OXCT1: variants seen among roughly 807,000 people sequenced by gnomAD.
The protein encoded by OXCT1 is 3-oxoacid CoA-transferase 1.
OXCT1 carries 27 observed loss-of-function variants against 69.6 expected under a neutral mutation model. The ratio of observed to expected loss-of-function variants is 0.39; its 90% CI spans 0.29 to 0.54. The LOEUF (loss-of-function observed/expected upper bound fraction) is 0.54. Ranked by LOEUF, OXCT1 falls within the 20% of genes least tolerant of loss-of-function variation. OXCT1 has a pLI of 0.72. For synonymous variants in OXCT1, 202 were observed against 217.8 expected (o/e 0.93, Z 0.64); for missense variants, 437 against 650.2 (o/e 0.67, Z 3.57).
At chr5:41,866,275 G>T (rs1004498654) in intron 1 of OXCT1, among the ~76,000 whole-genome samples, 2 of 152,142 alleles carry the variant, frequency 1.3e-5, no homozygotes, top group Non-Finnish European at 2.9e-5. Context: ...ATTTTACAAA[G>T]AATGTTTTTA....
At chr5:41,835,244 G>A (rs1051870791) in intron 7 of OXCT1, among the ~76,000 whole-genome samples, 1 of 152,082 alleles carries the variant, frequency 6.6e-6, no homozygotes, top group Non-Finnish European at 1.5e-5. Context: ...TAAATTCCTA[G>A]ACATATATAA....
At position 41,850,190 on chromosome 5, in the gene OXCT1, G is replaced by T; in HGVS notation, c.415-11C>A. On this transcript the variant is annotated splice_polypyrimidine_tract_variant and intron_variant, in intron 4 of 16. Coordinates refer to ENST00000196371, the MANE Select transcript of OXCT1 (RefSeq NM_000436.4). Reference sequence around the variant, plus strand: ...CTCTGCAAGTGTGCCCTGCAAGTGAGCAACCAACACCCCATAAGTTCACTA... The same window carrying T: ...CTCTGCAAGTGTGCCCTGCAAGTGATCAACCAACACCCCATAAGTTCACTA... 2.5e-6 allele frequency: 4 copies of T among 1,613,128 alleles called. No individual in the cohort carries two copies. The highest frequency in any genetic ancestry group is 3.4e-6 in the Non-Finnish European group (4 of 1,179,770).
intron 7 of OXCT1, among the ~76,000 whole-genome samples, chr5:41,820,169 T>C (rs1361815720): frequency 1.3e-5 from 2 of 152,266 alleles, no homozygotes; most frequent in East Asian, 1.9e-4. Context: ...TCAATAAATA[T>C]ATGAAAAATA....
At chr5:41,804,242 G>T (rs1746562005) in intron 9 of OXCT1, among the ~76,000 whole-genome samples, 1 of 152,010 alleles carries the variant, frequency 6.6e-6, no homozygotes, top group South Asian at 2.1e-4. Flanking sequence ...AACACATTAG[G>T]ATACTAATTC....
intron 14 of OXCT1, among the ~76,000 whole-genome samples, chr5:41,757,775 T>C (rs543115514): frequency 1.3e-5 from 2 of 152,204 alleles, no homozygotes; most frequent in Non-Finnish European, 2.9e-5. Flanking sequence ...GGGCACTGAA[T>C]GTACAAACAC....
chr5:41,787,449 C>A (rs1745694392), intron 13 of OXCT1, among the ~76,000 whole-genome samples: 1 of 151,898 alleles, frequency 6.6e-6, no homozygotes, highest in African/African-American at 2.4e-5. Context: ...ATTTTGTTGG[C>A]TTCAGAGAGC....
At chr5:41,807,628 G>C (rs192558672) in intron 7 of OXCT1, among the ~76,000 whole-genome samples, 190 bp from the exon 8 acceptor site, 82 of 152,108 alleles carry the variant, frequency 5.4e-4, no homozygotes, top group African/African-American at 2.0e-3. Flanking sequence ...CCACAAAAGA[G>C]AAGAAATTAA....
At chr5:41,759,352 C>G (rs1744237598) in intron 14 of OXCT1, among the ~76,000 whole-genome samples, 1 of 152,100 alleles carries the variant, frequency 6.6e-6, no homozygotes, top group Non-Finnish European at 1.5e-5. Context: ...ATTGTTACTC[C>G]TTTCCTTTCT....
rs377226939 is a variant in OXCT1, at chr5:41,758,270, A to G, written c.1338+3841T>C. The stretch of plus-strand genomic sequence containing the variant: ...AATAAGCAGAACATATTTAGGGGGA[A>G]TGATGATTTAGTTGGCAAAATTTGT... On this transcript the variant is annotated intron_variant, in intron 14 of 16. Transcript: ENST00000196371. 1.9e-4 allele frequency among the ~76,000 whole-genome samples: 29 copies of G among 152,208 alleles called. 1 individual carries two copies. In the East Asian group the frequency reaches 3.9e-3, roughly 20 times the overall value.
At chr5:41,846,981 T>C (rs1331849788) in intron 5 of OXCT1, among the ~76,000 whole-genome samples, 1 of 152,144 alleles carries the variant, frequency 6.6e-6, no homozygotes, top group East Asian at 1.9e-4. Context: ...GGGGTTGTTT[T>C]TTTCTTGTAA....
chr5:41,758,597 C>T (rs191795477), intron 14 of OXCT1, among the ~76,000 whole-genome samples: 1 of 151,262 alleles, frequency 6.6e-6, no homozygotes, highest in Admixed American at 6.6e-5. Context: ...TCAGATGGCA[C>T]CTTAGAAGGC....
intron 15 of OXCT1, among the ~76,000 whole-genome samples, chr5:41,742,640 AC>A (rs1743230222): frequency 1.2e-5 from 1 of 86,314 alleles, no homozygotes. Context: ...CCTGCCCCCC[AC>A]CCCACAACAG....
At chr5:41,842,649 G>A (rs774042135) in intron 6 of OXCT1, 26 bp downstream of exon 6, 8 of 1,472,600 alleles carry the variant, frequency 5.4e-6, no homozygotes, top group East Asian at 2.3e-5. Flanking sequence ...TGATATGCAC[G>A]AGTGTTTTTA....
At chr5:41,799,222 T>C (rs1402951894) in intron 11 of OXCT1, among the ~76,000 whole-genome samples, 1 of 152,184 alleles carries the variant, frequency 6.6e-6, no homozygotes, top group Non-Finnish European at 1.5e-5. Context: ...ACACAAATAA[T>C]GGGTTGATCT....
intron 7 of OXCT1, among the ~76,000 whole-genome samples, chr5:41,810,576 G>T (rs1182218521): frequency 6.6e-6 from 1 of 152,042 alleles, no homozygotes; most frequent in Non-Finnish European, 1.5e-5. Flanking sequence ...CAGAAAAATA[G>T]ACACTAGGAA....
chr5:41,732,307 TA>T (rs1742674035), intron 16 of OXCT1, among the ~76,000 whole-genome samples: 1 of 152,066 alleles, frequency 6.6e-6, no homozygotes, highest in Non-Finnish European at 1.5e-5. Flanking sequence ...ACAAAGGCAA[TA>T]AGAGGATTCC....
At chr5:41,867,737 C>T (rs1292765052) in intron 1 of OXCT1, among the ~76,000 whole-genome samples, 4 of 152,220 alleles carry the variant, frequency 2.6e-5, no homozygotes, top group Non-Finnish European at 5.9e-5. Context: ...AGAAGGACTG[C>T]AGCTCAGGAG....
At position 41,850,135 on chromosome 5, in the gene OXCT1, A is replaced by G. The variant is rs1749110361; in HGVS notation, c.459T>C (p.Pro153=). 1 of 1,613,868 alleles carries G rather than the reference A, an allele frequency of 6.2e-7. No individual in the cohort carries two copies. Among genetic ancestry groups the G allele is most frequent in the Non-Finnish European group, 8.5e-7 (1 of 1,179,884 alleles). ...ERIRAGGAGV[P]AFYTPTGYGT... ...CATACCCTGTTGGGGTGTAAAATGC[A>G]GGAACTCCAGCCCCGCCTGCACGGA... Residue 153 remains proline, a synonymous_variant, in exon 5 of 17, where the codon CCT becomes CCC. Coordinates refer to ENST00000196371, the MANE Select transcript of OXCT1 (RefSeq NM_000436.4).
intron 13 of OXCT1, among the ~76,000 whole-genome samples, chr5:41,791,090 T>G (rs1179396924): frequency 3.3e-5 from 5 of 152,174 alleles, no homozygotes; most frequent in Admixed American, 2.0e-4. Context: ...ACATAATTTG[T>G]AAGGGGTAGG....
Sources: allele counts gnomAD v4.1 joint callset (sites outside exome capture counted in the v4.1 genomes callset), GRCh38; gene constraint gnomAD v4.1.1; transcripts MANE v1.5; gene names NCBI Gene and HGNC (gene_info 2026-07-23, HGNC 2026-07-21).